Variants in FRMD4B observed in about 807,000 individuals in gnomAD.
FRMD4B encodes FERM domain containing 4B.
Under a neutral mutation model 141.5 loss-of-function variants are expected in FRMD4B, and 74 were observed. The ratio of observed to expected loss-of-function variants is 0.52; its 90% CI spans 0.43 to 0.63. FRMD4B has a LOEUF of 0.63. Among genes scored for constraint, FRMD4B ranks in the 30% least tolerant of loss-of-function variants. The pLI is 0.00. For synonymous variants in FRMD4B, 506 were observed against 467.9 expected (o/e 1.08, Z -1.05); for missense variants, 1,366 against 1,253.4 (o/e 1.09, Z -1.36).
At chr3:69,403,119 T>G (rs1333084936) in intron 2 of FRMD4B, among the ~76,000 whole-genome samples, 2 of 152,196 alleles carry the variant, frequency 1.3e-5, no homozygotes, top group African/African-American at 4.8e-5. Flanking sequence ...TCAGATCCCC[T>G]CTACTTCATT....
chr3:69,486,220 T>C (rs575343635), intron 1 of FRMD4B, among the ~76,000 whole-genome samples: 156 of 152,328 alleles, frequency 1.0e-3, no homozygotes, highest in Non-Finnish European at 1.9e-3. Context: ...ATTCAAAACA[T>C]TTATTTTTAT....
At chr3:69,408,399 T>A (rs1704689633) in intron 2 of FRMD4B, among the ~76,000 whole-genome samples, 1 of 152,182 alleles carries the variant, frequency 6.6e-6, no homozygotes, top group African/African-American at 2.4e-5. Flanking sequence ...CCCAAAGGCA[T>A]CATCTTGCTA....
chr3:69,461,185 T>C (rs367706861), intron 1 of FRMD4B, among the ~76,000 whole-genome samples: 142 of 152,316 alleles, frequency 9.3e-4, no homozygotes, highest in Middle Eastern at 3.4e-3. Context: ...AGTTGCAAAT[T>C]TGAGGTTTAA....
intron 1 of FRMD4B, among the ~76,000 whole-genome samples, chr3:69,360,999 T>C (rs1703455720): frequency 6.6e-6 from 1 of 152,328 alleles, no homozygotes; most frequent in Admixed American, 6.5e-5. Flanking sequence ...GTATAATTCA[T>C]ACAAGAAAGG....
intron 5 of FRMD4B, among the ~76,000 whole-genome samples, chr3:69,276,924 C>G (rs2093620562): frequency 6.6e-6 from 1 of 152,160 alleles, no homozygotes; most frequent in African/African-American, 2.4e-5. Context: ...GAGATTGTGC[C>G]ACTGCACTCC....
chr3:69,418,877 AT>A (rs113607445), intron 2 of FRMD4B, among the ~76,000 whole-genome samples: 41,293 of 151,894 alleles, frequency 0.27, 6,038 homozygotes, highest in East Asian at 0.44. Context: ...ACATATATAC[AT>A]ATATGTTGTT....
At chr3:69,178,232 G>T (rs1380956353) in intron 21 of FRMD4B, among the ~76,000 whole-genome samples, 1 of 152,154 alleles carries the variant, frequency 6.6e-6, no homozygotes, top group Non-Finnish European at 1.5e-5. Flanking sequence ...CACACAAAGT[G>T]CCTGTGATCA....
chr3:69,490,807 G>A (rs1261969801), intron 1 of FRMD4B, among the ~76,000 whole-genome samples: 6 of 152,020 alleles, frequency 3.9e-5, no homozygotes, highest in South Asian at 4.2e-4. Flanking sequence ...AATAAGAGAC[G>A]TTGGCCGATG....
At chr3:69,192,015 A>G (rs2092843402) in intron 17 of FRMD4B, among the ~76,000 whole-genome samples, 1 of 152,220 alleles carries the variant, frequency 6.6e-6, no homozygotes, top group South Asian at 2.1e-4. Flanking sequence ...TCTAAGATAT[A>G]TATTTTAAGT....
At chr3:69,454,431 T>C (rs1418454034) in intron 1 of FRMD4B, among the ~76,000 whole-genome samples, 1 of 151,836 alleles carries the variant, frequency 6.6e-6, no homozygotes, top group South Asian at 2.1e-4. Flanking sequence ...TGCTGGGAGG[T>C]GTGGAGGAAG....
At chr3:69,174,211 A>T (rs74386318) in intron 22 of FRMD4B, among the ~76,000 whole-genome samples, 5,061 of 152,196 alleles carry the variant, frequency 0.033, 99 homozygotes, top group Non-Finnish European at 0.051. Context: ...CTCTCAAAAA[A>T]AACTTCAAAA....
intron 6 of FRMD4B, 77 bp from the exon 7 acceptor site, chr3:69,249,325 T>C: frequency 2.1e-6 from 2 of 972,598 alleles, no homozygotes; most frequent in South Asian, 2.9e-5. Flanking sequence ...TTGATTACTT[T>C]CCCCTCTTAA....
At chr3:69,382,688 T>G (rs941762675) in intron 1 of FRMD4B, among the ~76,000 whole-genome samples, 2 of 151,608 alleles carry the variant, frequency 1.3e-5, no homozygotes, top group Admixed American at 1.3e-4. Flanking sequence ...CAGGAGTGGG[T>G]ACAGACCCTA....
At chr3:69,519,109 T>C (rs2107122809) in intron 1 of FRMD4B, among the ~76,000 whole-genome samples, 1 of 152,348 alleles carries the variant, frequency 6.6e-6, no homozygotes, top group African/African-American at 2.4e-5. Context: ...CTCCATTTCT[T>C]TGTTTGTTTT....
chr3:69,277,362 T>C (rs1437215843), intron 5 of FRMD4B, among the ~76,000 whole-genome samples: 1 of 152,106 alleles, frequency 6.6e-6, no homozygotes, highest in African/African-American at 2.4e-5. Flanking sequence ...ATTCCAAAGA[T>C]GTTTTATTTA....
At chr3:69,248,354 C>G (rs1411453826) in intron 7 of FRMD4B, among the ~76,000 whole-genome samples, 1 of 152,062 alleles carries the variant, frequency 6.6e-6, no homozygotes, top group African/African-American at 2.4e-5. Context: ...GAACATTCTA[C>G]CAAAGCCGAA....
At chr3:69,266,865 A>G (rs897493941) in intron 5 of FRMD4B, among the ~76,000 whole-genome samples, 1 of 152,192 alleles carries the variant, frequency 6.6e-6, no homozygotes, top group Non-Finnish European at 1.5e-5. Context: ...TTAATTACAA[A>G]GGAAAAGGTG....
intron 7 of FRMD4B, among the ~76,000 whole-genome samples, chr3:69,229,760 T>C (rs2093287907): frequency 6.6e-6 from 1 of 152,150 alleles, no homozygotes; most frequent in Non-Finnish European, 1.5e-5. Context: ...CAGGCTGCAG[T>C]GCAGTCGTGC....
chr3:69,172,394 C>G (rs142468016), intron 22 of FRMD4B, among the ~76,000 whole-genome samples: 2 of 152,250 alleles, frequency 1.3e-5, no homozygotes, highest in Admixed American at 1.3e-4. Context: ...TTCCAACATT[C>G]TCTCTTTCAG....
Sources: allele counts gnomAD v4.1 joint callset (sites outside exome capture counted in the v4.1 genomes callset), GRCh38; gene constraint gnomAD v4.1.1; transcripts MANE v1.5; gene names NCBI Gene and HGNC (gene_info 2026-07-23, HGNC 2026-07-21).